Variants in SYNE2 observed in about 807,000 individuals in gnomAD.
The protein encoded by SYNE2 is spectrin repeat containing nuclear envelope protein 2, also known as nesprin-2.
Under a neutral mutation model 856.3 loss-of-function variants are expected in SYNE2, and 431 were observed. That is an observed-to-expected ratio of 0.50 (90% CI 0.47 to 0.55). The LOEUF (loss-of-function observed/expected upper bound fraction) is 0.55. Among genes scored for constraint, SYNE2 ranks in the 20% least tolerant of loss-of-function variants. The probability of loss-of-function intolerance (pLI) is 0.00; values close to 1 mark genes in which losing one functional copy is unlikely to be tolerated. For missense variants in SYNE2, 8,129 were observed against 8,023.2 expected (o/e 1.01, Z -0.50); for synonymous variants, 2,923 against 2,872.3 (o/e 1.02, Z -0.56).
chr14:64,121,868 CA>C, intron 68 of SYNE2, 143 bp from the exon 69 acceptor site: 1 of 1,127,886 alleles, frequency 8.9e-7, no homozygotes. Context: ...TGAGAGTTTA[CA>C]AGAACAGGAA....
chr14:64,011,477 C>T (rs962570922), intron 32 of SYNE2, among the ~76,000 whole-genome samples: 5 of 152,152 alleles, frequency 3.3e-5, no homozygotes, highest in East Asian at 1.9e-4. Context: ...CAGATCCTCT[C>T]GGGCTTGTGT....
At chr14:64,054,832 A>T (rs2097256475) in intron 48 of SYNE2, among the ~76,000 whole-genome samples, 1 of 152,092 alleles carries the variant, frequency 6.6e-6, no homozygotes, top group Admixed American at 6.5e-5. Flanking sequence ...GTGGAAGTTA[A>T]CTCCCTTTTC....
At chr14:64,027,428 T>G in intron 42 of SYNE2, 56 bp from the exon 43 acceptor site, 1 of 1,145,950 alleles carries the variant, frequency 8.7e-7, no homozygotes, top group Non-Finnish European at 1.3e-6. Context: ...ATATGCAAAA[T>G]GCTAGTCCAT....
At chr14:64,037,836 C>T (rs1281559837) in intron 45 of SYNE2, among the ~76,000 whole-genome samples, 3 of 145,420 alleles carry the variant, frequency 2.1e-5, no homozygotes, top group East Asian at 2.2e-4. Flanking sequence ...GCTGGCTGGG[C>T]GGGGGGCTGA....
intron 84 of SYNE2, among the ~76,000 whole-genome samples, chr14:64,152,125 C>T (rs1309011285): frequency 6.6e-6 from 1 of 152,220 alleles, no homozygotes; most frequent in Non-Finnish European, 1.5e-5. Context: ...GTTATATCGT[C>T]TGTCATTTAT....
At chr14:63,830,840 C>CTT (rs11427202) in intron 1 of SYNE2, among the ~76,000 whole-genome samples, 1,688 of 108,676 alleles carry the variant, frequency 0.016, 105 homozygotes, top group African/African-American at 0.043. Context: ...TGATCCCATT[C>CTT]TTTTTTTTTT....
At chr14:64,166,784 T>C (rs1279901646) in intron 90 of SYNE2, 1 of 220,676 alleles carries the variant, frequency 4.5e-6, no homozygotes, top group Non-Finnish European at 9.1e-6. Flanking sequence ...AATACAAAAA[T>C]TAGCCAGGTG....
intron 2 of SYNE2, among the ~76,000 whole-genome samples, chr14:63,910,881 T>C (rs1241531623): frequency 6.6e-6 from 1 of 152,212 alleles, no homozygotes; most frequent in African/African-American, 2.4e-5. Flanking sequence ...AAGTATTTCT[T>C]GTCCAAGAGC....
intron 11 of SYNE2, among the ~76,000 whole-genome samples, chr14:63,971,966 G>A (rs989639525): frequency 6.6e-6 from 1 of 152,176 alleles, no homozygotes; most frequent in African/African-American, 2.4e-5. Context: ...CTCTTCACAG[G>A]AAAAGTTTGC....
At chr14:63,925,209 C>G (rs1265170930) in intron 2 of SYNE2, among the ~76,000 whole-genome samples, 1 of 152,096 alleles carries the variant, frequency 6.6e-6, no homozygotes, top group African/African-American at 2.4e-5. Context: ...GTAGTCCCAG[C>G]TACTTGGGAA....
At chr14:64,038,545 G>A (rs1023112670) in intron 45 of SYNE2, among the ~76,000 whole-genome samples, 1 of 152,256 alleles carries the variant, frequency 6.6e-6, no homozygotes, top group Non-Finnish European at 1.5e-5. Flanking sequence ...ACTCCAGCCT[G>A]GGCACCATTG....
At chr14:64,029,066 G>A (rs2097007929) in intron 43 of SYNE2, among the ~76,000 whole-genome samples, 1 of 152,232 alleles carries the variant, frequency 6.6e-6, no homozygotes, top group South Asian at 2.1e-4. Flanking sequence ...AACCCAGGAG[G>A]TAGAGGTTGC....
Position 64,091,316 on chromosome 14 carries a change from A to C in SYNE2, c.11976+268A>C, listed in dbSNP as rs539569769. Among the ~76,000 whole-genome samples, 8 of 152,308 alleles carry C rather than the reference A, an allele frequency of 5.3e-5. No individual in the cohort carries two copies. In the South Asian group the frequency reaches 1.7e-3, roughly 32 times the overall value. On this transcript the variant is annotated intron_variant, in intron 60 of 115. Transcript: ENST00000555002. ...GCAAAATGCTGTGGGAAGAGAGTCAAACCTGAACAAGGCATTTGCAGCCTC... is the reference window on the plus strand; with the variant it reads ...GCAAAATGCTGTGGGAAGAGAGTCACACCTGAACAAGGCATTTGCAGCCTC...
In SYNE2 at chr14:64,158,705, G is replaced by T. The variant is rs369336217; in HGVS notation, c.15873G>T (p.Met5291Ile). 1 of 1,613,998 alleles carries T rather than the reference G, an allele frequency of 6.2e-7. No homozygotes were observed. The highest frequency in any genetic ancestry group is 8.5e-7 in the Non-Finnish European group (1 of 1,179,916). ...ATCAACTCTATGATGAAGTGAATATGATGACAATCCGATTCTGGTACTGCA... is the reference window on the plus strand; with the variant it reads ...ATCAACTCTATGATGAAGTGAATATTATGACAATCCGATTCTGGTACTGCA... ...IYDQLYDEVN[M>I]MTIRFWYCME... The change falls in exon 86 of 116, where the codon ATG becomes ATT. Residue 5291 changes from methionine (M) to isoleucine (I), a missense_variant. By Grantham distance (10) the Met-to-Ile change is conservative (BLOSUM62 1). Coordinates refer to ENST00000555002, the MANE Select transcript of SYNE2 (RefSeq NM_182914.3).
intron 1 of SYNE2, among the ~76,000 whole-genome samples, chr14:63,809,705 T>C (rs1229724810): frequency 2.6e-5 from 4 of 152,280 alleles, no homozygotes; most frequent in Non-Finnish European, 4.4e-5. Context: ...CTCTCTATGA[T>C]GTCCAGGCTG....
chr14:63,928,706 A>G (rs952306963), intron 2 of SYNE2, among the ~76,000 whole-genome samples: 5 of 152,186 alleles, frequency 3.3e-5, no homozygotes, highest in Admixed American at 1.3e-4. Flanking sequence ...AAGAGAAACA[A>G]TAGAAGAGGT....
intron 49 of SYNE2, among the ~76,000 whole-genome samples, chr14:64,059,667 C>G (rs1416838316): frequency 6.6e-6 from 1 of 152,244 alleles, no homozygotes; most frequent in Non-Finnish European, 1.5e-5. Context: ...CCTCTGTAAA[C>G]AGTATCTGGC....
chr14:64,119,542 T>G lies in SYNE2; in HGVS notation c.12956T>G (p.Leu4319Arg), dbSNP rs1344547263. The G allele has an allele frequency of 6.2e-7, 1 of 1,614,184 alleles. No homozygotes were observed. The highest frequency in any genetic ancestry group is 2.2e-5 in the East Asian group (1 of 44,876). Reference protein sequence around the residue: ...QHEAEALSLKLKTVKCNLEKV... With the variant: ...QHEAEALSLKRKTVKCNLEKV... ...GAGGCTGAAGCGCTTTCCCTGAAACTGAAAACAGTGAAGTGCAATTTAGAA... is the reference window on the plus strand; with the variant it reads ...GAGGCTGAAGCGCTTTCCCTGAAACGGAAAACAGTGAAGTGCAATTTAGAA... The change falls in exon 67 of 116, where the codon CTG becomes CGG. Residue 4319 changes from leucine (L) to arginine (R), a missense_variant. Leu to Arg is a moderately radical substitution (Grantham distance 102). This residue lies in a region of SYNE2 where 5,410 missense variants were observed against 5,284.8 expected (regional missense o/e 1.02). Coordinates refer to ENST00000555002, the MANE Select transcript of SYNE2 (RefSeq NM_182914.3).
At chr14:64,169,180 G>A (rs746531440) in intron 93 of SYNE2, among the ~76,000 whole-genome samples, 43 of 152,260 alleles carry the variant, frequency 2.8e-4, no homozygotes, top group Middle Eastern at 3.4e-3. Context: ...CACCTTTTCC[G>A]TATGGTAGGT....
Sources: gnomAD v4.1 joint callset for allele counts (sites outside exome capture counted in the v4.1 genomes callset) on GRCh38, gnomAD v4.1.1 for gene constraint, gnomAD v4.1.1 regional missense constraint, MANE v1.5 for transcripts, NCBI Gene and HGNC (gene_info 2026-07-23, HGNC 2026-07-21) for gene names.